The following RSRC1 variants were observed in gnomAD, a reference collection of about 807,000 sequenced individuals.
The protein encoded by RSRC1 is serine/Arginine-related protein 53.
A neutral mutation model predicts 49.1 loss-of-function variants in RSRC1; 39 were observed. The ratio of observed to expected loss-of-function variants is 0.79; its 90% CI spans 0.61 to 1.04. The LOEUF (loss-of-function observed/expected upper bound fraction) is 1.04, where lower values mean the gene tolerates loss of function less well. Ranked by LOEUF, RSRC1 falls within the 50% of genes least tolerant of loss-of-function variation. RSRC1 has a pLI of 0.00. For missense variants in RSRC1, 388 were observed against 402.4 expected (o/e 0.96, Z 0.31); for synonymous variants, 143 against 130.8 (o/e 1.09, Z -0.63).
intron 5 of RSRC1, among the ~76,000 whole-genome samples, chr3:158,326,441 C>T (rs908027782): frequency 2.0e-4 from 30 of 151,980 alleles, no homozygotes; most frequent in Non-Finnish European, 4.3e-4. Context: ...TAGCATGAGG[C>T]ATTGTTGAAT....
chr3:158,132,969 G>A (rs534978944), intron 3 of RSRC1, among the ~76,000 whole-genome samples: 1 of 152,300 alleles, frequency 6.6e-6, no homozygotes, highest in South Asian at 2.1e-4. Context: ...TGAGATGAGT[G>A]TAGAGTTCGA....
intron 7 of RSRC1, among the ~76,000 whole-genome samples, chr3:158,473,491 C>T (rs1436965777): frequency 2.6e-5 from 4 of 151,890 alleles, no homozygotes; most frequent in Non-Finnish European, 5.9e-5. Flanking sequence ...GGAAGGGGAA[C>T]ATCACACACC....
chr3:158,418,358 C>T (rs984919934), intron 6 of RSRC1, among the ~76,000 whole-genome samples: 1 of 151,962 alleles, frequency 6.6e-6, no homozygotes, highest in Non-Finnish European at 1.5e-5. Flanking sequence ...CCTGTTCTAT[C>T]TGGAGAAACA....
chr3:158,372,922 T>C (rs1398589550), intron 6 of RSRC1, among the ~76,000 whole-genome samples: 1 of 151,876 alleles, frequency 6.6e-6, no homozygotes, highest in Non-Finnish European at 1.5e-5. Context: ...ATTTGTTAAA[T>C]TTATTCCTAA....
At chr3:158,120,562 A>G (rs1030930438) in intron 1 of RSRC1, among the ~76,000 whole-genome samples, 2 of 144,720 alleles carry the variant, frequency 1.4e-5, no homozygotes, top group African/African-American at 5.2e-5. Flanking sequence ...ATATATTAAT[A>G]TTAATATATT....
At chr3:158,112,470 A>T (rs1289777700) in intron 1 of RSRC1, among the ~76,000 whole-genome samples, 1 of 152,194 alleles carries the variant, frequency 6.6e-6, no homozygotes, top group African/African-American at 2.4e-5. Flanking sequence ...ATTTGCTGTT[A>T]GTATTCACTC....
intron 4 of RSRC1, among the ~76,000 whole-genome samples, chr3:158,208,219 CTTTT>C (rs371620527): frequency 7.9e-5 from 12 of 151,952 alleles, no homozygotes; most frequent in Admixed American, 2.0e-4. Flanking sequence ...ACAGATTTTT[CTTTT>C]TTGTTTTCCC....
intron 3 of RSRC1, among the ~76,000 whole-genome samples, chr3:158,125,971 A>G (rs1224285541): frequency 2.6e-5 from 4 of 151,956 alleles, no homozygotes; most frequent in African/African-American, 9.7e-5. Context: ...TTTTCTTGTG[A>G]CAGTCTTTGA....
At chr3:158,475,347 A>G (rs10936145) in intron 7 of RSRC1, among the ~76,000 whole-genome samples, 30,448 of 152,174 alleles carry the variant, frequency 0.2, 3,484 homozygotes, top group South Asian at 0.27. Flanking sequence ...TAGTGGAAAG[A>G]GACAGATAAT....
intron 6 of RSRC1, among the ~76,000 whole-genome samples, chr3:158,426,906 G>T (rs1247495755): frequency 6.6e-6 from 1 of 151,776 alleles, no homozygotes; most frequent in East Asian, 2.0e-4. Context: ...TTTATCAAAG[G>T]TTGAGACTAG....
At chr3:158,401,474 G>T (rs566253616) in intron 6 of RSRC1, among the ~76,000 whole-genome samples, 1 of 152,126 alleles carries the variant, frequency 6.6e-6, no homozygotes, top group African/African-American at 2.4e-5. Context: ...GTAAAAAACA[G>T]ATTGCATGAG....
Position 158,526,185 on chromosome 3 carries a change from A to G in RSRC1, c.653-10907A>G, listed in dbSNP as rs138980125. Among the ~76,000 whole-genome samples, 796 of 152,050 alleles carry G rather than the reference A, an allele frequency of 5.2e-3. 2 individuals carry two copies. Among genetic ancestry groups the G allele is most frequent in the African/African-American group, 0.018 (744 of 41,500 alleles). On this transcript the variant is annotated intron_variant, in intron 7 of 9. Transcript: ENST00000611884. ...AAATTAACATCATCTCACATCTTCT[A>G]CCATCCTCCCTACCCCACCTCTGTT... is the stretch of plus-strand genomic sequence containing the variant.
chr3:158,331,248 A>G (rs188660564), intron 5 of RSRC1, among the ~76,000 whole-genome samples: 67 of 152,320 alleles, frequency 4.4e-4, no homozygotes, highest in African/African-American at 1.6e-3. Context: ...TATTTTTCAC[A>G]TTTACATATT....
chr3:158,516,717 A>G (rs895148834), intron 7 of RSRC1, among the ~76,000 whole-genome samples: 2 of 152,024 alleles, frequency 1.3e-5, no homozygotes, highest in African/African-American at 4.8e-5. Flanking sequence ...TTGCAGTTTG[A>G]TCTCAGACTG....
chr3:158,223,590 A>ATTTTTTTTTTTTTTTTTTTTTTT (rs5853818), intron 4 of RSRC1, among the ~76,000 whole-genome samples: 1 of 145,668 alleles, frequency 6.9e-6, no homozygotes. Context: ...TAGCTTCCTG[A>ATTTTTTTTTTTTTTTTTTTTTTT]TTTTTTTTTT....
rs116339743 is a variant in RSRC1 at position 158,320,040 on chromosome 3, G to A, written c.531+21965G>A. On this transcript the variant is annotated intron_variant, in intron 5 of 9. Coordinates refer to ENST00000611884, the MANE Select transcript of RSRC1 (RefSeq NM_001271838.2). The stretch of plus-strand genomic sequence containing the variant: ...TTTTGATTGGAATTGATGTAAAATA[G>A]CATTGTTGTTAGAAATAATTATTTC... 3.2e-3 allele frequency among the ~76,000 whole-genome samples: 489 copies of A among 152,266 alleles called. 3 individuals are homozygous for A. Among genetic ancestry groups the A allele is most frequent in the African/African-American group, 0.011 (463 of 41,566 alleles).
intron 7 of RSRC1, among the ~76,000 whole-genome samples, chr3:158,469,020 C>A (rs1738011042): frequency 6.6e-6 from 1 of 152,092 alleles, no homozygotes; most frequent in Non-Finnish European, 1.5e-5. Context: ...CTGTGACTCA[C>A]TTCTTGTGTG....
At chr3:158,202,985 GT>G (rs1721145784) in intron 3 of RSRC1, 86 bp from the exon 4 acceptor site, 1 of 1,089,490 alleles carries the variant, frequency 9.2e-7, no homozygotes, top group Non-Finnish European at 1.3e-6. Flanking sequence ...AAACTAAGTA[GT>G]TTTTTTCAGA....
chr3:158,401,268 G>A (rs1389251837), intron 6 of RSRC1, among the ~76,000 whole-genome samples: 2 of 151,992 alleles, frequency 1.3e-5, no homozygotes, highest in Admixed American at 1.3e-4. Context: ...TCTTTCTGTG[G>A]CTGAGTTTTC....
Sources: allele counts gnomAD v4.1 joint callset (sites outside exome capture counted in the v4.1 genomes callset), GRCh38; gene constraint gnomAD v4.1.1; transcripts MANE v1.5; gene names NCBI Gene and HGNC (gene_info 2026-07-23, HGNC 2026-07-21).